Variants in CDK14 observed in about 807,000 individuals in gnomAD.
The protein encoded by CDK14 is cyclin dependent kinase 14.
Under a neutral mutation model 60.7 loss-of-function variants are expected in CDK14, and 34 were observed. The observed-to-expected ratio is 0.56, with a 90% confidence interval of 0.43 to 0.75. The LOEUF (loss-of-function observed/expected upper bound fraction) is 0.75. Among genes scored for constraint, CDK14 ranks in the 30% least tolerant of loss-of-function variants. The probability of loss-of-function intolerance (pLI) is 0.00; values close to 1 mark genes in which losing one functional copy is unlikely to be tolerated. For synonymous variants in CDK14, 197 were observed against 203.7 expected (o/e 0.97, Z 0.28); for missense variants, 482 against 564.1 (o/e 0.85, Z 1.47).
rs374791636 is a variant in CDK14 at position 90,962,447 on chromosome 7, T to C, written c.947+6630T>C. On this transcript the variant is annotated intron_variant, in intron 9 of 14. Coordinates refer to ENST00000380050, the MANE Select transcript of CDK14 (RefSeq NM_001287135.2). ...GTTACAGTGAGTTGAGATCGCACCA[T>C]CGCACTCCAGCCTGGGTGACAGAGT... Among the ~76,000 whole-genome samples the C allele has an allele frequency of 1.5e-3, 224 of 151,660 alleles. 11 individuals carry two copies. In the South Asian group the frequency reaches 0.035, roughly 24 times the overall value.
intron 5 of CDK14, among the ~76,000 whole-genome samples, chr7:90,808,817 C>A (rs1381775360): frequency 6.6e-6 from 1 of 152,096 alleles, no homozygotes; most frequent in African/African-American, 2.4e-5. Flanking sequence ...GGTTGCAATC[C>A]TAGTCTGTGA....
At chr7:90,700,865 T>G (rs2116613985) in intron 2 of CDK14, among the ~76,000 whole-genome samples, 1 of 152,318 alleles carries the variant, frequency 6.6e-6, no homozygotes, top group East Asian at 1.9e-4. Context: ...TAAGTATCTG[T>G]GAGAGCAGCA....
chr7:90,778,856 C>T (rs1028854059), intron 4 of CDK14, among the ~76,000 whole-genome samples: 3 of 98,914 alleles, frequency 3.0e-5, no homozygotes, highest in Non-Finnish European at 6.2e-5. Context: ...ACCTTCCTTC[C>T]TTCCTTCCTT....
intron 2 of CDK14, among the ~76,000 whole-genome samples, chr7:90,676,544 T>G (rs1260541362): frequency 8.9e-6 from 1 of 112,728 alleles, no homozygotes; most frequent in Non-Finnish European, 1.9e-5. Flanking sequence ...TTTTTTTTTT[T>G]TTTTTTGAGC....
rs141336358 is a variant in CDK14, at chr7:91,117,408, C to T, written c.1295-657C>T. Among the ~76,000 whole-genome samples the T allele has an allele frequency of 1.8e-4, 27 of 151,980 alleles. No homozygotes were observed. In the East Asian group the frequency reaches 4.9e-3, roughly 27 times the overall value. On this transcript the variant is annotated intron_variant, in intron 13 of 14. Coordinates refer to ENST00000380050, the MANE Select transcript of CDK14 (RefSeq NM_001287135.2). ...GTTTGCCTGCTTCTCTTCTTGCCTC[C>T]TTAAAGTCAGCTCTCACTGTTTCTT...
At chr7:91,145,391 A>G (rs879722537) in intron 14 of CDK14, among the ~76,000 whole-genome samples, 26 of 152,228 alleles carry the variant, frequency 1.7e-4, no homozygotes, top group Admixed American at 7.2e-4. Context: ...AAGCTGTTCT[A>G]TGCCACACTG....
intron 2 of CDK14, among the ~76,000 whole-genome samples, chr7:90,664,878 G>A (rs899780554): frequency 1.1e-4 from 17 of 152,036 alleles, no homozygotes; most frequent in African/African-American, 3.1e-4. Flanking sequence ...AACATGGCAC[G>A]TGTATACATA....
At chr7:90,691,806 C>T (rs1347261290) in intron 2 of CDK14, among the ~76,000 whole-genome samples, 1 of 152,100 alleles carries the variant, frequency 6.6e-6, no homozygotes, top group East Asian at 1.9e-4. Flanking sequence ...ATTTTTAATT[C>T]ATTTTGAAGG....
chr7:90,766,884 C>T (rs946080757), intron 4 of CDK14, among the ~76,000 whole-genome samples: 2 of 152,178 alleles, frequency 1.3e-5, no homozygotes, highest in African/African-American at 4.8e-5. Flanking sequence ...GCAGCCAGCT[C>T]TGCCGCTCTG....
chr7:90,644,768 G>A (rs1028179010), intron 2 of CDK14, among the ~76,000 whole-genome samples: 3 of 152,176 alleles, frequency 2.0e-5, no homozygotes, highest in African/African-American at 7.2e-5. Context: ...GTGGTCATTA[G>A]ATTCCTGCAC....
At chr7:90,838,764 T>C (rs1370755004) in intron 5 of CDK14, among the ~76,000 whole-genome samples, 2 of 152,176 alleles carry the variant, frequency 1.3e-5, no homozygotes, top group East Asian at 3.9e-4. Flanking sequence ...ACTGATTGTC[T>C]GCTCTTGAAC....
chr7:90,880,330 T>A (rs1791704656), intron 6 of CDK14, among the ~76,000 whole-genome samples: 1 of 152,186 alleles, frequency 6.6e-6, no homozygotes, highest in Non-Finnish European at 1.5e-5. Context: ...GTGGCCATAG[T>A]GCTTCTTCAG....
At chr7:90,835,617 A>G (rs191036507) in intron 5 of CDK14, among the ~76,000 whole-genome samples, 1 of 152,298 alleles carries the variant, frequency 6.6e-6, no homozygotes, top group East Asian at 1.9e-4. Context: ...TACTTCTATT[A>G]CTTCTTGCCT....
intron 8 of CDK14, among the ~76,000 whole-genome samples, chr7:90,947,892 A>G (rs1162751088): frequency 6.6e-6 from 1 of 152,188 alleles, no homozygotes; most frequent in Non-Finnish European, 1.5e-5. Flanking sequence ...CTTCTTTCCT[A>G]TCAAATGCAA....
chr7:90,638,652 T>G (rs1188617997), intron 2 of CDK14, among the ~76,000 whole-genome samples: 2 of 152,176 alleles, frequency 1.3e-5, no homozygotes, highest in Non-Finnish European at 2.9e-5. Flanking sequence ...GCGTTCTCTG[T>G]ATTTCCTGAA....
At chr7:90,619,727 G>A (rs1799729001) in intron 2 of CDK14, among the ~76,000 whole-genome samples, 1 of 152,208 alleles carries the variant, frequency 6.6e-6, no homozygotes, top group African/African-American at 2.4e-5. Context: ...TGGGTGCGGT[G>A]GCTCACACCT....
intron 5 of CDK14, among the ~76,000 whole-genome samples, chr7:90,817,320 G>C (rs529154852): frequency 2.0e-5 from 3 of 152,050 alleles, no homozygotes; most frequent in African/African-American, 7.2e-5. Context: ...CGTAAGAATC[G>C]AATTGATAAT....
rs540315185 is a variant in CDK14 at position 91,179,229 on chromosome 7, T to C, written c.*29-27936T>C. ...GGGACATGGATGAAACTGGAAATTA[T>C]CATTCTCAGTAAACTATCACAAGAA... On this transcript the variant is annotated intron_variant, in intron 14 of 14. Coordinates refer to ENST00000380050, the MANE Select transcript of CDK14 (RefSeq NM_001287135.2). Among the ~76,000 whole-genome samples, 731 of 151,732 alleles carry C rather than the reference T, an allele frequency of 4.8e-3. 1 individual carries two copies. The highest frequency in any genetic ancestry group is 8.2e-3 in the Non-Finnish European group (558 of 67,948).
At chr7:91,139,071 C>T (rs913195314) in intron 14 of CDK14, among the ~76,000 whole-genome samples, 1 of 152,176 alleles carries the variant, frequency 6.6e-6, no homozygotes, top group African/African-American at 2.4e-5. Flanking sequence ...ATCAGCCCTA[C>T]ATCCAAATTC....
Sources: allele counts gnomAD v4.1 joint callset (sites outside exome capture counted in the v4.1 genomes callset), GRCh38; gene constraint gnomAD v4.1.1; transcripts MANE v1.5; gene names NCBI Gene and HGNC (gene_info 2026-07-23, HGNC 2026-07-21).